Variants in DISC1 observed in about 807,000 individuals in gnomAD.
DISC1 encodes DISC1 scaffold protein.
In DISC1, 57 loss-of-function variants were observed where a neutral mutation model predicts 84.5. The observed-to-expected ratio is 0.67, with a 90% CI of 0.55 to 0.84. The LOEUF (loss-of-function observed/expected upper bound fraction) is 0.84, where lower values mean the gene tolerates loss of function less well. Ranked by LOEUF, DISC1 falls within the 40% of genes least tolerant of loss-of-function variation. The probability of loss-of-function intolerance (pLI) is 0.00; values close to 1 mark genes in which losing one functional copy is unlikely to be tolerated. For missense variants in DISC1, 1,000 were observed against 1,057.8 expected (o/e 0.95, Z 0.76); for synonymous variants, 411 against 415.2 (o/e 0.99, Z 0.12).
chr1:231,867,149 G>T (rs1407213209), intron 9 of DISC1, among the ~76,000 whole-genome samples: 1 of 152,158 alleles, frequency 6.6e-6, no homozygotes, highest in Non-Finnish European at 1.5e-5. Flanking sequence ...GTATTCTCCA[G>T]ATGGCTGTCT....
intron 9 of DISC1, among the ~76,000 whole-genome samples, chr1:231,953,805 A>G (rs1384833126): frequency 6.6e-6 from 1 of 152,174 alleles, no homozygotes; most frequent in Non-Finnish European, 1.5e-5. Context: ...TTTGGCTTCC[A>G]TTTTCAAAGG....
rs12089020 is a variant in DISC1, at chr1:231,646,649, T to A, written c.67+19715T>A. ...TGAATCGCCGCACTGTCTTCCACAA[T>A]GGTTGAACTAGTTTACACTCCCACC... On this transcript the variant is annotated intron_variant, in intron 1 of 12. Transcript: ENST00000439617. 9.2e-3 allele frequency among the ~76,000 whole-genome samples: 1,407 copies of A among 152,300 alleles called. 22 individuals carry two copies. Among genetic ancestry groups the A allele is most frequent in the African/African-American group, 0.032 (1,311 of 41,546 alleles).
chr1:231,959,096 T>G, intron 10 of DISC1: 1 of 1,340,138 alleles, frequency 7.5e-7, no homozygotes, highest in Non-Finnish European at 9.5e-7. Context: ...GATTAAGATG[T>G]TTAAAAGTGT....
chr1:232,003,350 G>A (rs1666953631), intron 10 of DISC1, among the ~76,000 whole-genome samples: 1 of 152,056 alleles, frequency 6.6e-6, no homozygotes, highest in Admixed American at 6.6e-5. Flanking sequence ...AGACAATTTA[G>A]GCTTTAAGGC....
intron 3 of DISC1, among the ~76,000 whole-genome samples, chr1:231,733,749 GCC>G (rs1181330193): frequency 8.0e-6 from 1 of 124,308 alleles, no homozygotes; most frequent in Non-Finnish European, 1.8e-5. Context: ...TGGTGGTGGT[GCC>G]ATGAGTAGTG....
At chr1:231,665,155 G>A (rs1027341521) in intron 1 of DISC1, among the ~76,000 whole-genome samples, 2 of 152,118 alleles carry the variant, frequency 1.3e-5, no homozygotes, top group Admixed American at 6.5e-5. Context: ...GGTAATAATC[G>A]CTGCATTGCC....
At chr1:231,875,785 T>C (rs1052131493) in intron 9 of DISC1, among the ~76,000 whole-genome samples, 2 of 152,140 alleles carry the variant, frequency 1.3e-5, no homozygotes, top group Non-Finnish European at 2.9e-5. Flanking sequence ...CTAAGGTCTA[T>C]AATGGACAAC....
rs370641830 is a variant in DISC1 at position 232,036,877 on chromosome 1, C to G, written c.*46C>G. Reference sequence around the variant, plus strand: ...GGAGGTGGGCCACCATGTTTGGACCCGGGGGGCTGCTCTTCCCTCCCCCGC... The same window carrying G: ...GGAGGTGGGCCACCATGTTTGGACCGGGGGGGCTGCTCTTCCCTCCCCCGC... On this transcript the variant is annotated 3_prime_UTR_variant, in exon 13 of 13. Coordinates refer to ENST00000439617, the MANE Select transcript of DISC1 (RefSeq NM_018662.3). 6.9e-7 allele frequency: 1 copy of G among 1,439,994 alleles called. No individual in the cohort carries two copies. The highest frequency in any genetic ancestry group is 2.5e-4 in the Middle Eastern group (1 of 4,038). The allele number at this position is 1,439,994 out of a possible 1,614,324, so 89.2% of individuals were successfully genotyped here. A position where few individuals can be genotyped will look rare whatever the true frequency, so the allele number is the denominator to read the frequency against.
intron 1 of DISC1, among the ~76,000 whole-genome samples, chr1:231,627,550 C>T (rs966483700): frequency 6.6e-6 from 1 of 152,274 alleles, no homozygotes; most frequent in African/African-American, 2.4e-5. Flanking sequence ...CCGGAGACTG[C>T]TCGGTTTCCA....
chr1:231,777,779 C>A (rs917116745), intron 6 of DISC1, among the ~76,000 whole-genome samples: 1 of 152,182 alleles, frequency 6.6e-6, no homozygotes, highest in Non-Finnish European at 1.5e-5. Flanking sequence ...ATTTTAATAT[C>A]TCTGTTATTT....
At chr1:231,737,902 G>A (rs1020118824) in intron 3 of DISC1, among the ~76,000 whole-genome samples, 4 of 152,046 alleles carry the variant, frequency 2.6e-5, no homozygotes, top group African/African-American at 9.7e-5. Context: ...CTGTTGCCCC[G>A]GCTAGAGTGC....
chr1:231,789,522 T>C (rs2078152709), intron 6 of DISC1, among the ~76,000 whole-genome samples: 1 of 152,198 alleles, frequency 6.6e-6, no homozygotes, highest in Non-Finnish European at 1.5e-5. Flanking sequence ...GCAGAAGAAC[T>C]GTTCAGAGAC....
chr1:231,867,110 C>T (rs1475396444), intron 9 of DISC1, among the ~76,000 whole-genome samples: 2 of 152,150 alleles, frequency 1.3e-5, no homozygotes, highest in African/African-American at 2.4e-5. Flanking sequence ...TTATGGGGTG[C>T]GCATGCCTCC....
rs1489741646 is a variant in DISC1 at position 232,000,803 on chromosome 1, A to G, written c.2043-7982A>G. On this transcript the variant is annotated intron_variant, in intron 10 of 12. Coordinates refer to ENST00000439617, the MANE Select transcript of DISC1 (RefSeq NM_018662.3). ...TGGCACAATTATCAAATGATAATAGAAAAGAACTGTCAACCTACAATCCTA... is the reference window on the plus strand; with the variant it reads ...TGGCACAATTATCAAATGATAATAGGAAAGAACTGTCAACCTACAATCCTA... Among the ~76,000 whole-genome samples, 2 of 152,224 alleles carry G rather than the reference A, an allele frequency of 1.3e-5. 1 individual carries two copies. The highest frequency in any genetic ancestry group is 4.1e-4 in the South Asian group (2 of 4,836).
At chr1:231,754,150 G>A (rs1020144661) in intron 4 of DISC1, among the ~76,000 whole-genome samples, 3 of 152,042 alleles carry the variant, frequency 2.0e-5, no homozygotes, top group African/African-American at 4.8e-5. Context: ...CCCATTACCC[G>A]ATTCCAAAGC....
chr1:231,982,000 A>T (rs992126067), intron 10 of DISC1, among the ~76,000 whole-genome samples: 1 of 152,234 alleles, frequency 6.6e-6, no homozygotes, highest in Non-Finnish European at 1.5e-5. Flanking sequence ...TGGCAACACT[A>T]TTAAGAGTAG....
intron 6 of DISC1, among the ~76,000 whole-genome samples, chr1:231,772,554 G>C (rs2076635070): frequency 6.6e-6 from 1 of 152,168 alleles, no homozygotes; most frequent in African/African-American, 2.4e-5. Context: ...GAGGAAAGGG[G>C]TGTTGATAAT....
intron 10 of DISC1, among the ~76,000 whole-genome samples, chr1:231,974,699 TC>T (rs2102839287): frequency 6.6e-6 from 1 of 152,386 alleles, no homozygotes; most frequent in South Asian, 2.1e-4. Flanking sequence ...CAGTGCTTTT[TC>T]TGCCAGTTTC....
chr1:231,960,661 T>C (rs1660266712), intron 10 of DISC1, among the ~76,000 whole-genome samples: 1 of 152,200 alleles, frequency 6.6e-6, no homozygotes, highest in Admixed American at 6.5e-5. Context: ...AAGGCTTCTG[T>C]GATGAAATAC....
Sources: allele counts gnomAD v4.1 joint callset (sites outside exome capture counted in the v4.1 genomes callset), GRCh38; gene constraint gnomAD v4.1.1; transcripts MANE v1.5; gene names NCBI Gene and HGNC (gene_info 2026-07-23, HGNC 2026-07-21).